APPBP2: variants seen among roughly 807,000 people sequenced by gnomAD.
The protein encoded by APPBP2 is amyloid beta precursor protein binding protein 2, also known as amyloid protein-binding protein 2.
A neutral mutation model predicts 76.0 loss-of-function variants in APPBP2; 15 were observed. The ratio of observed to expected loss-of-function variants is 0.20; its 90% confidence interval spans 0.13 to 0.30. The LOEUF is 0.30. Ranked by LOEUF, APPBP2 falls within the 10% of genes least tolerant of loss-of-function variation. The pLI is 1.00. For synonymous variants in APPBP2, 222 were observed against 242.2 expected (o/e 0.92, Z 0.77); for missense variants, 401 against 687.2 (o/e 0.58, Z 4.66).
rs377696213 is a variant in APPBP2, at chr17:60,479,132, A to C, written c.503+16T>G. On this transcript the variant is annotated intron_variant, in intron 4 of 12. Coordinates refer to ENST00000083182, the MANE Select transcript of APPBP2 (RefSeq NM_006380.5). ...TACTGTTATAGCACGTAATTACAGG[A>C]TATGTTCCAACTTACCTCACACAAC... 8.1e-6 allele frequency: 13 copies of C among 1,606,704 alleles called. No individual in the cohort carries two copies. Among genetic ancestry groups the C allele is most frequent in the Non-Finnish European group, 9.3e-6 (11 of 1,178,034 alleles).
At chr17:60,499,687 A>G (rs1200186929) in intron 2 of APPBP2, among the ~76,000 whole-genome samples, 1 of 152,256 alleles carries the variant, frequency 6.6e-6, no homozygotes, top group Non-Finnish European at 1.5e-5. Flanking sequence ...AGATGAATAG[A>G]TAAACAAAAT....
chr17:60,463,421 G>A (rs549578263), intron 6 of APPBP2, among the ~76,000 whole-genome samples: 2 of 152,252 alleles, frequency 1.3e-5, no homozygotes, highest in Admixed American at 6.5e-5. Context: ...TGGGAGGATC[G>A]CTTGAGTCCA....
chr17:60,500,184 G>T (rs2090811346), intron 2 of APPBP2, among the ~76,000 whole-genome samples: 1 of 151,896 alleles, frequency 6.6e-6, no homozygotes, highest in African/African-American at 2.4e-5. Flanking sequence ...CTAATTTTTT[G>T]TATTTTTAGT....
intron 1 of APPBP2, among the ~76,000 whole-genome samples, chr17:60,514,492 C>CTT (rs1218836818): frequency 1.3e-5 from 2 of 152,196 alleles, no homozygotes; most frequent in Non-Finnish European, 2.9e-5. Context: ...ATTCACACTA[C>CTT]TTTGTAACAA....
chr17:60,452,179 T>C (rs1298764264), intron 11 of APPBP2, 134 bp from the exon 12 acceptor site: 3 of 911,108 alleles, frequency 3.3e-6, no homozygotes, highest in East Asian at 2.6e-5. Context: ...AAGAACATAC[T>C]ATGTTATTCC....
In APPBP2 at chr17:60,502,049, T is replaced by TTTTA. The variant is rs201357008; in HGVS notation, c.139-1566_139-1563dup. Among the ~76,000 whole-genome samples the TTTTA allele has an allele frequency of 9.5e-3, 1,451 of 152,220 alleles. 19 individuals carry two copies. The highest frequency in any genetic ancestry group is 0.03 in the African/African-American group (1,245 of 41,516). On this transcript the variant is annotated intron_variant, in intron 1 of 12. Transcript: ENST00000083182. ...ACCTTCAGCAAGAAAGATTTGTTAT[T>TTTTA]TTTATTTATTTATTTATTTATTTTT...
intron 4 of APPBP2, among the ~76,000 whole-genome samples, chr17:60,468,258 A>G (rs1372195921): frequency 6.6e-6 from 1 of 152,174 alleles, no homozygotes; most frequent in African/African-American, 2.4e-5. Context: ...GGCTATAGCA[A>G]AGCCAAGAGG....
At chr17:60,483,795 G>C (rs1048188579) in intron 3 of APPBP2, among the ~76,000 whole-genome samples, 1 of 152,306 alleles carries the variant, frequency 6.6e-6, no homozygotes, top group Non-Finnish European at 1.5e-5. Flanking sequence ...TAGACATGAA[G>C]TCCTTGCCCG....
chr17:60,515,626 T>C (rs558192372), intron 1 of APPBP2, among the ~76,000 whole-genome samples: 1 of 152,320 alleles, frequency 6.6e-6, no homozygotes, highest in Admixed American at 6.5e-5. Context: ...AACAACTAAA[T>C]TTTGCCTGTT....
At chr17:60,513,911 C>A (rs985088194) in intron 1 of APPBP2, among the ~76,000 whole-genome samples, 1 of 150,980 alleles carries the variant, frequency 6.6e-6, no homozygotes, top group African/African-American at 2.4e-5. Flanking sequence ...TGCGATCCTA[C>A]CCCTGGAGTA....
chr17:60,464,089 C>A lies in APPBP2; in HGVS notation c.694G>T (p.Ala232Ser). The A allele has an allele frequency of 6.2e-7, 1 of 1,611,460 alleles. No homozygotes were observed. Residue 232 changes from alanine (A) to serine (S), a missense_variant, in exon 6 of 13, where the codon GCA becomes TCA. Transcript: ENST00000083182. ...YDEAYKWCIE[A>S]MKEITAGLPV... ...AAGCCTGCTGTAATTTCTTTCATTG[C>A]CTCGATGCACCATTTGTATGCCTAA...
chr17:60,510,758 A>G (rs992106147), intron 1 of APPBP2, among the ~76,000 whole-genome samples: 37 of 152,204 alleles, frequency 2.4e-4, no homozygotes, highest in Admixed American at 2.4e-3. Context: ...GAAAAACATT[A>G]TATTAGAATA....
chr17:60,456,433 T>C (rs760005877), intron 9 of APPBP2, 52 bp from the exon 10 acceptor site: 1 of 1,188,420 alleles, frequency 8.4e-7, no homozygotes, highest in Non-Finnish European at 1.2e-6. Flanking sequence ...ACAAATGATT[T>C]AGGAATTTTA....
rs1029510146 is a variant in APPBP2, at chr17:60,443,662, T to C, written c.*3919A>G. 1 of 152,634 alleles carries C rather than the reference T, an allele frequency of 6.6e-6. No individual in the cohort carries two copies. The highest frequency in any genetic ancestry group is 1.5e-5 in the Non-Finnish European group (1 of 68,032). 9.5% of individuals were successfully genotyped at this position (152,634 alleles called of 1,614,324 possible). ...ACAAACGGTACCTGCAATGGTTATT[T>C]AGTGATCCAACACTTAACTGTGCAC... On this transcript the variant is annotated 3_prime_UTR_variant, in exon 13 of 13. Transcript: ENST00000083182.
chr17:60,507,109 A>G (rs1198563359), intron 1 of APPBP2, among the ~76,000 whole-genome samples: 1 of 152,148 alleles, frequency 6.6e-6, no homozygotes, highest in Non-Finnish European at 1.5e-5. Context: ...GGCTTGTTAC[A>G]CGGTTATATT....
At chr17:60,512,767 G>A (rs182918361) in intron 1 of APPBP2, among the ~76,000 whole-genome samples, 14 of 89,902 alleles carry the variant, frequency 1.6e-4, no homozygotes, top group African/African-American at 4.1e-4. Flanking sequence ...CTCAGGAGGC[G>A]GAGGTTGCAG....
chr17:60,477,191 G>C (rs7214519), intron 4 of APPBP2, among the ~76,000 whole-genome samples: 12,521 of 152,196 alleles, frequency 0.082, 1,709 homozygotes, highest in African/African-American at 0.28. Context: ...GACAAACTAG[G>C]AAGGAGAGAA....
intron 4 of APPBP2, among the ~76,000 whole-genome samples, chr17:60,467,495 C>T (rs1166461627): frequency 6.6e-6 from 1 of 152,158 alleles, no homozygotes; most frequent in Admixed American, 6.6e-5. Context: ...GACTACTATA[C>T]AATGCCAATG....
chr17:60,512,608 G>C (rs1017504036), intron 1 of APPBP2, among the ~76,000 whole-genome samples: 1 of 151,308 alleles, frequency 6.6e-6, no homozygotes, highest in African/African-American at 2.4e-5. Context: ...AGGCTGAGGC[G>C]GGAGGATCAC....
Sources: gnomAD v4.1 joint callset for allele counts (sites outside exome capture counted in the v4.1 genomes callset) on GRCh38, gnomAD v4.1.1 for gene constraint, MANE v1.5 for transcripts, NCBI Gene and HGNC (gene_info 2026-07-23, HGNC 2026-07-21) for gene names.